The following FBXL7 variants were observed in gnomAD, a reference collection of about 807,000 sequenced individuals.
FBXL7 encodes the protein F-box and leucine rich repeat protein 7.
A neutral mutation model predicts 38.3 loss-of-function variants in FBXL7; 12 were observed. The ratio of observed to expected loss-of-function variants is 0.31; its 90% CI spans 0.20 to 0.51. FBXL7 has a LOEUF of 0.51. Ranked by LOEUF, FBXL7 falls within the 20% of genes least tolerant of loss-of-function variation. The pLI is 0.98. For synonymous variants in FBXL7, 297 were observed against 300.9 expected, an observed-to-expected ratio of 0.99 and a Z score of 0.13; for missense variants, 567 against 676.4, an observed-to-expected ratio of 0.84 and a Z score of 1.79.
chr5:15,769,849 T>TATA (rs1425160545), intron 2 of FBXL7, among the ~76,000 whole-genome samples: 6 of 152,166 alleles, frequency 3.9e-5, no homozygotes, highest in African/African-American at 1.4e-4. Context: ...ACTATCATCA[T>TATA]ATAATATTTT....
chr5:15,696,228 T>G (rs1212878755), intron 2 of FBXL7, among the ~76,000 whole-genome samples: 1 of 152,166 alleles, frequency 6.6e-6, no homozygotes, highest in Non-Finnish European at 1.5e-5. Context: ...AAAGCAATAG[T>G]ATATTTAGCC....
chr5:15,702,437 TATTG>T (rs1743555437), intron 2 of FBXL7, among the ~76,000 whole-genome samples: 1 of 152,172 alleles, frequency 6.6e-6, no homozygotes, highest in Admixed American at 6.5e-5. Flanking sequence ...ATGGAGCCAG[TATTG>T]AGTGTCTGGG....
intron 1 of FBXL7, among the ~76,000 whole-genome samples, chr5:15,540,792 G>A (rs1737717387): frequency 6.6e-6 from 1 of 152,076 alleles, no homozygotes; most frequent in Admixed American, 6.6e-5. Flanking sequence ...GTGGAAATAG[G>A]ATGAGAGAGA....
chr5:15,757,211 A>G (rs566186950), intron 2 of FBXL7, among the ~76,000 whole-genome samples: 21 of 152,196 alleles, frequency 1.4e-4, no homozygotes, highest in African/African-American at 5.1e-4. Context: ...AGAGAGAGAG[A>G]GTTTTCTTTA....
At chr5:15,684,323 A>G (rs938102686) in intron 2 of FBXL7, among the ~76,000 whole-genome samples, 1 of 152,172 alleles carries the variant, frequency 6.6e-6, no homozygotes, top group African/African-American at 2.4e-5. Context: ...CACGGTATCT[A>G]GGTAAGAGGT....
At chr5:15,914,424 G>A (rs1579596841) in intron 2 of FBXL7, among the ~76,000 whole-genome samples, 1 of 151,318 alleles carries the variant, frequency 6.6e-6, no homozygotes, top group South Asian at 2.1e-4. Context: ...CAGGGATCTG[G>A]ATAATCTATG....
chr5:15,525,026 GT>G (rs1269433845), intron 1 of FBXL7, among the ~76,000 whole-genome samples: 2 of 152,214 alleles, frequency 1.3e-5, no homozygotes, highest in Non-Finnish European at 2.9e-5. Context: ...TCATTGCAGA[GT>G]CAGAATCCTG....
intron 2 of FBXL7, among the ~76,000 whole-genome samples, chr5:15,730,240 C>T (rs533967349): frequency 2.3e-4 from 35 of 152,092 alleles, no homozygotes; most frequent in African/African-American, 8.0e-4. Context: ...CTCAAAGTTT[C>T]GTGTATTTTT....
At chr5:15,508,156 G>A (rs933455509) in intron 1 of FBXL7, among the ~76,000 whole-genome samples, 5 of 152,000 alleles carry the variant, frequency 3.3e-5, no homozygotes, top group Non-Finnish European at 7.4e-5. Context: ...ATTAGTCTTC[G>A]CTTGGGTAAA....
intron 1 of FBXL7, among the ~76,000 whole-genome samples, chr5:15,504,187 G>T (rs1736580302): frequency 6.6e-6 from 1 of 152,226 alleles, no homozygotes; most frequent in Non-Finnish European, 1.5e-5. Context: ...CGGGGTGTTT[G>T]TTCTCTAAAG....
intron 2 of FBXL7, among the ~76,000 whole-genome samples, chr5:15,775,096 A>G (rs1218199932): frequency 2.0e-5 from 3 of 152,344 alleles, no homozygotes; most frequent in East Asian, 1.9e-4. Context: ...ACAGTTTACC[A>G]TGTTGTAAAC....
intron 2 of FBXL7, among the ~76,000 whole-genome samples, chr5:15,720,917 T>TCA (rs1744178143): frequency 6.6e-6 from 1 of 152,110 alleles, no homozygotes; most frequent in East Asian, 1.9e-4. Flanking sequence ...GATAGAAATA[T>TCA]GTTTGAAAGT....
chr5:15,713,623 T>G (rs1460084057), intron 2 of FBXL7, among the ~76,000 whole-genome samples: 1 of 152,218 alleles, frequency 6.6e-6, no homozygotes, highest in East Asian at 1.9e-4. Flanking sequence ...GATAAACATG[T>G]CAGTAGCATG....
chr5:15,742,721 A>G (rs899849987), intron 2 of FBXL7, among the ~76,000 whole-genome samples: 1 of 152,148 alleles, frequency 6.6e-6, no homozygotes, highest in African/African-American at 2.4e-5. Context: ...TGAATTTTCC[A>G]TAAAGTTTTG....
intron 1 of FBXL7, among the ~76,000 whole-genome samples, chr5:15,527,216 C>G (rs73751968): frequency 2.6e-5 from 4 of 152,136 alleles, no homozygotes; most frequent in Non-Finnish European, 5.9e-5. Context: ...AGTAAGCATT[C>G]GTCAGTAATG....
intron 1 of FBXL7, among the ~76,000 whole-genome samples, chr5:15,615,036 G>A (rs1048003788): frequency 3.3e-5 from 5 of 152,170 alleles, no homozygotes; most frequent in Non-Finnish European, 2.9e-5. Flanking sequence ...CAAGGGGGAG[G>A]AGATGATGCG....
chr5:15,763,746 A>G (rs561463829), intron 2 of FBXL7, among the ~76,000 whole-genome samples: 1 of 152,350 alleles, frequency 6.6e-6, no homozygotes, highest in East Asian at 1.9e-4. Flanking sequence ...ATTAATAACA[A>G]TTATAAACTG....
chr5:15,927,789 AAGAAGAAAG>A, intron 2 of FBXL7, 92 bp from the exon 3 acceptor site: 1 of 782,586 alleles, frequency 1.3e-6, no homozygotes, highest in Non-Finnish European at 1.7e-6. Flanking sequence ...AAAAAAAAAG[AAGAAGAAAG>A]AAAAGAAAAG....
chr5:15,857,220 A>G (rs576951326), intron 2 of FBXL7, among the ~76,000 whole-genome samples: 1 of 152,302 alleles, frequency 6.6e-6, no homozygotes, highest in East Asian at 1.9e-4. Context: ...ACACCTGTAG[A>G]AAGTACTGGG....
Sources: gnomAD v4.1 joint callset for allele counts (sites outside exome capture counted in the v4.1 genomes callset) on GRCh38, gnomAD v4.1.1 for gene constraint, MANE v1.5 for transcripts, NCBI Gene and HGNC (gene_info 2026-07-23, HGNC 2026-07-21) for gene names.